FOXR2: variants seen among roughly 807,000 people sequenced by gnomAD.
The protein encoded by FOXR2 is forkhead box protein R2.
For missense variants in FOXR2, 234 were observed against 227.1 expected (o/e 1.03, Z -0.20); for synonymous variants, 109 against 84.1 (o/e 1.30, Z -1.62).
At position 55,626,179 on chromosome X, in the gene FOXR2, T is replaced by C. The variant is rs972094336; in HGVS notation, c.*1532T>C. Among the ~76,000 whole-genome samples, 3 of 112,290 alleles carry C rather than the reference T, an allele frequency of 2.7e-5. No homozygotes were observed. Among genetic ancestry groups the C allele is most frequent in the Non-Finnish European group, 5.6e-5 (3 of 53,233 alleles). Reference sequence around the variant, plus strand: ...ACAGAATACCTTGGAATTAATAAAATATTCTGCATATAAGTAGTCACCAGT... The same window carrying C: ...ACAGAATACCTTGGAATTAATAAAACATTCTGCATATAAGTAGTCACCAGT... On this transcript the variant is annotated 3_prime_UTR_variant, in exon 1 of 1. Transcript: ENST00000339140.
rs2032338333 is a variant in FOXR2 at position 55,625,966 on chromosome X, G to T, written c.*1319G>T. The stretch of plus-strand genomic sequence containing the variant: ...TCATAATGGGGGTACAAAAACGCCT[G>T]TAAGCTACAAAAGCAATTAATTCAA... On this transcript the variant is annotated 3_prime_UTR_variant, in exon 1 of 1. Transcript: ENST00000339140. 9.0e-6 allele frequency among the ~76,000 whole-genome samples: 1 copy of T among 111,350 alleles called. No homozygotes were observed. The highest frequency in any genetic ancestry group is 9.6e-5 in the Admixed American group (1 of 10,378).
In FOXR2 at chrX:55,624,805, G is replaced by A; in HGVS notation, c.*158G>A. 2.3e-6 allele frequency: 1 copy of A among 442,105 alleles called. No individual in the cohort carries two copies. The highest frequency in any genetic ancestry group is 3.9e-6 in the Non-Finnish European group (1 of 257,253). 36.4% of individuals were successfully genotyped at this position (442,105 alleles called of 1,213,427 possible). ...TTAAGTAAAGTTAGAGGTGGGTACAGGGGAGACAGAACTTAAATCCAGGTG... is the reference window on the plus strand; with the variant it reads ...TTAAGTAAAGTTAGAGGTGGGTACAAGGGAGACAGAACTTAAATCCAGGTG... On this transcript the variant is annotated 3_prime_UTR_variant, in exon 1 of 1. Coordinates refer to ENST00000339140, the MANE Select transcript of FOXR2 (RefSeq NM_198451.4).
In FOXR2 at chrX:55,624,702, C is replaced by A; in HGVS notation, c.*55C>A. On this transcript the variant is annotated 3_prime_UTR_variant, in exon 1 of 1. Coordinates refer to ENST00000339140, the MANE Select transcript of FOXR2 (RefSeq NM_198451.4). The stretch of plus-strand genomic sequence containing the variant: ...CTTCCTTACTGTGCCTACTTATCCC[C>A]TGACATTCATTAATCTCTAAACTTA... The A allele has an allele frequency of 1.1e-6, 1 of 944,411 alleles. No individual in the cohort carries two copies. The highest frequency in any genetic ancestry group is 1.5e-6 in the Non-Finnish European group (1 of 674,014). The allele number at this position is 944,411 out of a possible 1,213,427, so 77.8% of individuals were successfully genotyped here. A position where few individuals can be genotyped will look rare whatever the true frequency, so the allele number is the denominator to read the frequency against.
Position 55,623,612 on chromosome X carries a change from G to C in FOXR2, c.-100G>C. The C allele has an allele frequency of 1.7e-6, 1 of 590,154 alleles. No individual in the cohort carries two copies. Among genetic ancestry groups the C allele is most frequent in the Non-Finnish European group, 2.7e-6 (1 of 368,729 alleles). 48.6% of individuals were successfully genotyped at this position (590,154 alleles called of 1,213,427 possible). ...GCCTACTGATAAGCTCCCTAGATGAGATACACTGCATAAAAAAATGATGCC... is the reference window on the plus strand; with the variant it reads ...GCCTACTGATAAGCTCCCTAGATGACATACACTGCATAAAAAAATGATGCC... On this transcript the variant is annotated 5_prime_UTR_variant, in exon 1 of 1. Coordinates refer to ENST00000339140, the MANE Select transcript of FOXR2 (RefSeq NM_198451.4).
At position 55,624,848 on chromosome X, in the gene FOXR2, G is replaced by T. The variant is rs139149987; in HGVS notation, c.*201G>T. Reference sequence around the variant, plus strand: ...TCCAGGTGGAGAGTCATGGAAAGTCGCACGAGGAGAGTGGCTGTTGTTCCA... The same window carrying T: ...TCCAGGTGGAGAGTCATGGAAAGTCTCACGAGGAGAGTGGCTGTTGTTCCA... On this transcript the variant is annotated 3_prime_UTR_variant, in exon 1 of 1. Coordinates refer to ENST00000339140, the MANE Select transcript of FOXR2 (RefSeq NM_198451.4). The T allele has an allele frequency of 8.0e-6, 3 of 375,668 alleles. No homozygotes were observed. The highest frequency in any genetic ancestry group is 1.4e-5 in the Non-Finnish European group (3 of 212,639). The allele number at this position is 375,668 out of a possible 1,213,427, so 31.0% of individuals were successfully genotyped here. A position where few individuals can be genotyped will look rare whatever the true frequency, so the allele number is the denominator to read the frequency against.
At position 55,626,118 on chromosome X, in the gene FOXR2, A is replaced by G. The variant is rs2032339669; in HGVS notation, c.*1471A>G. ...CAGTATTTTTTGAAAAAAATTGTAA[A>G]TGCTACTTCTGTATCATAAGGCAAA... is the stretch of plus-strand genomic sequence containing the variant. On this transcript the variant is annotated 3_prime_UTR_variant, in exon 1 of 1. Transcript: ENST00000339140. Among the ~76,000 whole-genome samples, 1 of 112,172 alleles carries G rather than the reference A, an allele frequency of 8.9e-6. No individual in the cohort carries two copies. The highest frequency in any genetic ancestry group is 1.9e-5 in the Non-Finnish European group (1 of 53,209).
At position 55,625,454 on chromosome X, in the gene FOXR2, G is replaced by A. The variant is rs1312098170; in HGVS notation, c.*807G>A. The A allele has an allele frequency of 8.9e-6, 1 of 112,312 alleles. No individual in the cohort carries two copies. Among genetic ancestry groups the A allele is most frequent in the Non-Finnish European group, 1.9e-5 (1 of 53,165 alleles). The allele number at this position is 112,312 out of a possible 1,213,427, so 9.3% of individuals were successfully genotyped here. A position where few individuals can be genotyped will look rare whatever the true frequency, so the allele number is the denominator to read the frequency against. ...AATGTAAATATGATGAAACAGATGT[G>A]AGAAATTGACATGGAAATGGGGAGA... On this transcript the variant is annotated 3_prime_UTR_variant, in exon 1 of 1. Coordinates refer to ENST00000339140, the MANE Select transcript of FOXR2 (RefSeq NM_198451.4).
chrX:55,624,672 A>G lies in FOXR2; in HGVS notation c.*25A>G, dbSNP rs367680749. The G allele has an allele frequency of 2.6e-5, 28 of 1,090,173 alleles. No homozygotes were observed. In the African/African-American group the frequency reaches 4.9e-4, roughly 19 times the overall value. The allele number at this position is 1,090,173 out of a possible 1,213,427, so 89.8% of individuals were successfully genotyped here. ...AAATGCCATTGCTCCCTTTTGGAAC[A>G]CTGCCTTCCTTACTGTGCCTACTTA... On this transcript the variant is annotated 3_prime_UTR_variant, in exon 1 of 1. Transcript: ENST00000339140.
rs1033817883 is a variant in FOXR2, at chrX:55,624,571, T to C, written c.860T>C (p.Leu287Ser). Reference sequence around the variant, plus strand: ...CGCTTTTGGGAGGAGACTCGTGTCTTAGCCTTTGCTCAAAGGGAGAGAATC... The same window carrying C: ...CGCTTTTGGGAGGAGACTCGTGTCTCAGCCTTTGCTCAAAGGGAGAGAATC... ...HRRFWEETRV[L>S]AFAQRERIQE... The change falls in exon 1 of 1, where the codon TTA (leucine) becomes TCA (serine). Residue 287 changes from leucine (L) to serine (S), a missense_variant. By Grantham distance (145) the Leu-to-Ser change is moderately radical. Coordinates refer to ENST00000339140, the MANE Select transcript of FOXR2 (RefSeq NM_198451.4). 8.1e-5 allele frequency: 98 copies of C among 1,210,393 alleles called. No homozygotes were observed. Among genetic ancestry groups the C allele is most frequent in the Non-Finnish European group, 1.1e-4 (95 of 895,031 alleles).
In FOXR2 at chrX:55,624,130, C is replaced by T. The variant is rs747403262; in HGVS notation, c.419C>T (p.Pro140Leu). ...CCATCTTCCTCCAGTGAGCAGTCTC[C>T]TTTACAGAAGCAGGGTATCCATTCC... ...SLPSSSSEQS[P>L]LQKQGIHSPS... is the part of the protein sequence containing the mutation. The change falls in exon 1 of 1, where the codon CCT becomes CTT. Residue 140 changes from proline (P) to leucine (L), a missense_variant. Transcript: ENST00000339140. 3 of 1,210,512 alleles carry T rather than the reference C, an allele frequency of 2.5e-6. No homozygotes were observed. Among genetic ancestry groups the T allele is most frequent in the East Asian group, 5.9e-5 (2 of 33,750 alleles).
rs773428750 is a variant in FOXR2, at chrX:55,624,248, A to G, written c.537A>G (p.Lys179=). ...SPEMKCYQSQ[K]LWQINNQEKS... is the part of the protein sequence containing the mutation. The stretch of plus-strand genomic sequence containing the variant: ...AAATGAAATGTTACCAGAGCCAGAA[A>G]CTATGGCAAATCAACAACCAAGAGA... The change falls in exon 1 of 1, where the codon AAA becomes AAG. Residue 179 remains lysine (K), a synonymous_variant. Transcript: ENST00000339140. 1 of 1,210,477 alleles carries G rather than the reference A, an allele frequency of 8.3e-7. No homozygotes were observed. The highest frequency in any genetic ancestry group is 1.7e-5 in the African/African-American group (1 of 57,387).
chrX:55,624,173 C>G lies in FOXR2; in HGVS notation c.462C>G (p.Leu154=). The G allele has an allele frequency of 8.3e-7, 1 of 1,211,740 alleles. No individual in the cohort carries two copies. Among genetic ancestry groups the G allele is most frequent in the Non-Finnish European group, 1.1e-6 (1 of 895,437 alleles). The change falls in exon 1 of 1, where the codon CTC becomes CTG. Residue 154 remains leucine, a synonymous_variant. Coordinates refer to ENST00000339140, the MANE Select transcript of FOXR2 (RefSeq NM_198451.4). ...QGIHSPSDFE[L]TEEEAEEPDD... ...TCCATTCCCCCAGTGACTTTGAGCT[C>G]ACAGAAGAGGAGGCTGAGGAACCAG...
chrX:55,624,304 G>A lies in FOXR2; in HGVS notation c.593G>A (p.Ser198Asn). 1 of 1,212,122 alleles carries A rather than the reference G, an allele frequency of 8.2e-7. No homozygotes were observed. Among genetic ancestry groups the A allele is most frequent in the Non-Finnish European group, 1.1e-6 (1 of 895,542 alleles). The change falls in exon 1 of 1, where the codon AGC becomes AAC. Residue 198 changes from serine to asparagine, a missense_variant. Transcript: ENST00000339140. ...TGGCAAAGGCCCCCTCTCAATTGTAGCCACCTTATTGCCCTAGCATTAAGA... is the reference window on the plus strand; with the variant it reads ...TGGCAAAGGCCCCCTCTCAATTGTAACCACCTTATTGCCCTAGCATTAAGA... The part of the protein sequence containing the change: ...KSWQRPPLNC[S>N]HLIALALRNN...
Position 55,624,592 on chromosome X carries a change from G to T in FOXR2, c.881G>T (p.Arg294Ile). The part of the protein sequence containing the change: ...TRVLAFAQRE[R>I]IQECMSQPEL... ...GTCTTAGCCTTTGCTCAAAGGGAGA[G>T]AATCCAAGAGTGCATGAGTCAGCCA... The change falls in exon 1 of 1, where the codon AGA becomes ATA. Residue 294 changes from arginine to isoleucine, a missense_variant. Coordinates refer to ENST00000339140, the MANE Select transcript of FOXR2 (RefSeq NM_198451.4). The T allele has an allele frequency of 8.3e-7, 1 of 1,211,493 alleles. No individual in the cohort carries two copies. Among genetic ancestry groups the T allele is most frequent in the Non-Finnish European group, 1.1e-6 (1 of 895,045 alleles).
rs776009372 is a variant in FOXR2, at chrX:55,624,409, C to T, written c.698C>T (p.Pro233Leu). The change falls in exon 1 of 1, where the codon CCG becomes CTG. Residue 233 changes from proline (P) to leucine (L), a missense_variant. By Grantham distance (98) the Pro-to-Leu change is moderately conservative. Transcript: ENST00000339140. ...RQHFPFFWTAPDGWKSTIHYN... is the reference protein window; with the variant it reads ...RQHFPFFWTALDGWKSTIHYN... The stretch of plus-strand genomic sequence containing the variant: ...CATTTCCCCTTTTTCTGGACAGCTC[C>T]GGATGGCTGGAAGAGCACCATTCAT... The T allele has an allele frequency of 5.8e-6, 7 of 1,210,399 alleles. No individual in the cohort carries two copies. Among genetic ancestry groups the T allele is most frequent in the East Asian group, 5.9e-5 (2 of 33,782 alleles).
chrX:55,623,506 G>C lies in FOXR2; in HGVS notation c.-206G>C. The C allele has an allele frequency of 3.2e-6, 1 of 315,763 alleles. No homozygotes were observed. Among genetic ancestry groups the C allele is most frequent in the Non-Finnish European group, 5.5e-6 (1 of 180,537 alleles). 26.0% of individuals were successfully genotyped at this position (315,763 alleles called of 1,213,427 possible). A position where few individuals can be genotyped will look rare whatever the true frequency, so the allele number is the denominator to read the frequency against. On this transcript the variant is annotated 5_prime_UTR_variant, in exon 1 of 1. Coordinates refer to ENST00000339140, the MANE Select transcript of FOXR2 (RefSeq NM_198451.4). ...TTATTACTTCCATGTTTTGAGCCTTGTTCCAGAAAGCTGAGGTTTCTCCAG... is the reference window on the plus strand; with the variant it reads ...TTATTACTTCCATGTTTTGAGCCTTCTTCCAGAAAGCTGAGGTTTCTCCAG...
Position 55,624,378 on chromosome X carries a change from C to T in FOXR2, c.667C>T (p.Arg223Ter). 9 of 1,212,124 alleles carry T rather than the reference C, an allele frequency of 7.4e-6. No homozygotes were observed. The highest frequency in any genetic ancestry group is 7.8e-6 in the Non-Finnish European group (7 of 895,555). ...TGTGCAGGAGATCTACAATTTCACC[C>T]GACAGCATTTCCCCTTTTTCTGGAC... ...LSVQEIYNFT[R>*]QHFPFFWTAP... The change falls in exon 1 of 1, where the codon CGA becomes TGA. Residue 223 changes from arginine (R) to a stop codon, truncating the protein, a stop_gained. Coordinates refer to ENST00000339140, the MANE Select transcript of FOXR2 (RefSeq NM_198451.4). LOFTEE classifies it low-confidence loss of function (END_TRUNC).
Position 55,624,447 on chromosome X carries a change from T to C in FOXR2, c.736T>C (p.Phe246Leu), listed in dbSNP as rs1454970922. Residue 246 changes from phenylalanine to leucine, a missense_variant, in exon 1 of 1, where the codon TTC (phenylalanine) becomes CTC (leucine). Phe to Leu is a conservative substitution (Grantham distance 22, BLOSUM62 0). Transcript: ENST00000339140. ...WKSTIHYNLC[F>L]LDSFEKVPDS... Reference sequence around the variant, plus strand: ...GAGCACCATTCATTACAACCTCTGCTTCCTGGACAGCTTTGAGAAGGTGCC... The same window carrying C: ...GAGCACCATTCATTACAACCTCTGCCTCCTGGACAGCTTTGAGAAGGTGCC... 5.0e-6 allele frequency: 6 copies of C among 1,210,521 alleles called. No homozygotes were observed. The South Asian group carries it at 1.1e-4, about 21-fold the overall frequency.
In FOXR2 at chrX:55,625,633, G is replaced by A. The variant is rs2032335008; in HGVS notation, c.*986G>A. Among the ~76,000 whole-genome samples the A allele has an allele frequency of 3.6e-5, 4 of 111,432 alleles. No individual in the cohort carries two copies. In the South Asian group the frequency reaches 1.5e-3, roughly 42 times the overall value. ...TTGGGGGAATGGCATGAAGTTCAGT[G>A]TGACTTAACTACATGAGGACCGTGA... is the stretch of plus-strand genomic sequence containing the variant. On this transcript the variant is annotated 3_prime_UTR_variant, in exon 1 of 1. Transcript: ENST00000339140.
Sources: allele counts gnomAD v4.1 joint callset (sites outside exome capture counted in the v4.1 genomes callset), GRCh38; gene constraint gnomAD v4.1.1; transcripts MANE v1.5; gene names NCBI Gene and HGNC (gene_info 2026-07-23, HGNC 2026-07-21).